The following LUZP2 variants were observed in gnomAD, a reference collection of about 807,000 sequenced individuals.
LUZP2 encodes leucine zipper protein 2.
In LUZP2, 52 loss-of-function variants were observed where a neutral mutation model predicts 51.6. That is an observed-to-expected ratio of 1.01 (90% CI 0.81 to 1.27). The LOEUF (loss-of-function observed/expected upper bound fraction) is 1.27, where lower values mean the gene tolerates loss of function less well. Among genes scored for constraint, LUZP2 ranks in the 50% most tolerant of loss-of-function variants. LUZP2 has a pLI of 0.00. For synonymous variants in LUZP2, 154 were observed against 137.3 expected (o/e 1.12, Z -0.85); for missense variants, 436 against 395.4 (o/e 1.10, Z -0.87).
At chr11:25,069,244 G>T (rs958636309) in intron 10 of LUZP2, among the ~76,000 whole-genome samples, 1 of 151,868 alleles carries the variant, frequency 6.6e-6, no homozygotes, top group Non-Finnish European at 1.5e-5. Flanking sequence ...TCCCAAATTT[G>T]CAGCAAGAGA....
Position 25,078,914 on chromosome 11 carries a change from T to C in LUZP2, c.*256T>C. ...AATTGTCCCATATAAATTGGTCTGG[T>C]TTAACTCAAATGCTATCTAACATGT... On this transcript the variant is annotated 3_prime_UTR_variant, in exon 12 of 12. Coordinates refer to ENST00000336930, the MANE Select transcript of LUZP2 (RefSeq NM_001009909.4). 2.9e-6 allele frequency: 1 copy of C among 350,476 alleles called. No individual in the cohort carries two copies. Among genetic ancestry groups the C allele is most frequent in the Non-Finnish European group, 5.1e-6 (1 of 196,048 alleles). The allele number at this position is 350,476 out of a possible 1,614,324, so 21.7% of individuals were successfully genotyped here.
chr11:24,767,986 TTTTA>T (rs150903275), intron 5 of LUZP2, among the ~76,000 whole-genome samples: 12,087 of 151,940 alleles, frequency 0.08, 1,035 homozygotes, highest in African/African-American at 0.22. Flanking sequence ...TTTTTTTGAA[TTTTA>T]TTTATTTTAC....
chr11:24,853,467 C>T (rs1843697), intron 5 of LUZP2, among the ~76,000 whole-genome samples: 3,433 of 152,046 alleles, frequency 0.023, 139 homozygotes, highest in African/African-American at 0.078. Context: ...TTTTCAGCTC[C>T]ATCAGGTTAT....
chr11:24,764,490 T>TAAAAAAAAAAAAAAAAAAAAAAAAAA (rs869045272), intron 5 of LUZP2, among the ~76,000 whole-genome samples: 67 of 94,030 alleles, frequency 7.1e-4, no homozygotes, highest in Non-Finnish European at 1.2e-3. Flanking sequence ...ATCTCATCTC[T>TAAAAAAAAAAAAAAAAAAAAAAAAAA]AAAAAAAAAA....
chr11:24,596,887 A>C (rs941835593), intron 1 of LUZP2, among the ~76,000 whole-genome samples: 5 of 152,170 alleles, frequency 3.3e-5, no homozygotes, highest in African/African-American at 4.8e-5. Flanking sequence ...TTTTCTGAAT[A>C]AGTGGAACTC....
chr11:24,517,834 C>T (rs1041495262), intron 1 of LUZP2, among the ~76,000 whole-genome samples: 2 of 152,060 alleles, frequency 1.3e-5, no homozygotes, highest in African/African-American at 4.8e-5. Flanking sequence ...TTTTGTGTTT[C>T]TCATGTTTAT....
chr11:24,984,866 CA>C (rs962099582), intron 9 of LUZP2, among the ~76,000 whole-genome samples: 6 of 151,388 alleles, frequency 4.0e-5, no homozygotes, highest in African/African-American at 1.5e-4. Context: ...CTTGCTTTGA[CA>C]GCTGAGTGTT....
intron 9 of LUZP2, among the ~76,000 whole-genome samples, chr11:25,042,492 G>A (rs1858100065): frequency 6.6e-6 from 1 of 152,170 alleles, no homozygotes; most frequent in Middle Eastern, 3.2e-3. Context: ...ATATAATCAA[G>A]AGCTAGGAAA....
At chr11:24,532,300 A>G (rs1174499127) in intron 1 of LUZP2, among the ~76,000 whole-genome samples, 1 of 150,962 alleles carries the variant, frequency 6.6e-6, no homozygotes, top group Non-Finnish European at 1.5e-5. Context: ...AATTTAATAT[A>G]CAATCTGTAT....
rs776739280 is a variant in LUZP2 at position 24,774,362 on chromosome 11, C to CTCTCTCTCTCTCTATATATA, written c.396+11055_396+11056insCTCTCTCTCTCTATATATAT. On this transcript the variant is annotated intron_variant, in intron 5 of 11. Coordinates refer to ENST00000336930, the MANE Select transcript of LUZP2 (RefSeq NM_001009909.4). ...TCTCTCTCTCTCTCTCTCTCTCTCT[C>CTCTCTCTCTCTCTATATATA]TATATATATATATATATATACATAC... Among the ~76,000 whole-genome samples, 235 of 76,242 alleles carry CTCTCTCTCTCTCTATATATA rather than the reference C, an allele frequency of 3.1e-3. 1 individual carries two copies. Among genetic ancestry groups the CTCTCTCTCTCTCTATATATA allele is most frequent in the East Asian group, 0.013 (27 of 2,064 alleles). The allele number at this position is 76,242 out of a possible 152,430, so 50.0% of individuals were successfully genotyped here. A position where few individuals can be genotyped will look rare whatever the true frequency, so the allele number is the denominator to read the frequency against.
chr11:24,904,356 C>A (rs1590711630), intron 5 of LUZP2, among the ~76,000 whole-genome samples: 2 of 152,060 alleles, frequency 1.3e-5, no homozygotes, highest in Non-Finnish European at 2.9e-5. Flanking sequence ...GATCTCGGCT[C>A]ACTGCAAGCT....
intron 1 of LUZP2, among the ~76,000 whole-genome samples, chr11:24,654,220 T>C (rs1855727263): frequency 6.6e-6 from 1 of 152,150 alleles, no homozygotes; most frequent in African/African-American, 2.4e-5. Flanking sequence ...AGAATTCCTT[T>C]CAGTGTCTAC....
chr11:24,624,254 C>A (rs1192587142), intron 1 of LUZP2, among the ~76,000 whole-genome samples: 8 of 152,050 alleles, frequency 5.3e-5, no homozygotes, highest in African/African-American at 1.9e-4. Context: ...TGTGTCTATT[C>A]ATTAACTAAT....
chr11:24,828,798 G>A (rs1202077808), intron 5 of LUZP2, among the ~76,000 whole-genome samples: 1 of 152,128 alleles, frequency 6.6e-6, no homozygotes, highest in Non-Finnish European at 1.5e-5. Flanking sequence ...AAGGTCAAGA[G>A]GGTCACAAAG....
intron 1 of LUZP2, among the ~76,000 whole-genome samples, chr11:24,534,314 A>G (rs1851102741): frequency 6.6e-6 from 1 of 151,224 alleles, no homozygotes; most frequent in Admixed American, 6.6e-5. Context: ...GCACATAAAT[A>G]CATGTATATT....
rs533359218 is a variant in LUZP2 at position 24,562,470 on chromosome 11, G to A, written c.62+65165G>A. ...TCTGTTCCCAAAAATGAGTCCTAAG[G>A]AAAAAAAAAGAAAAGAAACCCAGGT... On this transcript the variant is annotated intron_variant, in intron 1 of 11. Coordinates refer to ENST00000336930, the MANE Select transcript of LUZP2 (RefSeq NM_001009909.4). Among the ~76,000 whole-genome samples, 299 of 148,808 alleles carry A rather than the reference G, an allele frequency of 2.0e-3. 2 individuals are homozygous for A. Among genetic ancestry groups the A allele is most frequent in the African/African-American group, 7.3e-3 (294 of 40,520 alleles).
At chr11:24,923,453 T>G (rs896755091) in intron 7 of LUZP2, among the ~76,000 whole-genome samples, 1 of 151,876 alleles carries the variant, frequency 6.6e-6, no homozygotes, top group Non-Finnish European at 1.5e-5. Context: ...TCCTGGCACT[T>G]TGGGAGGCCG....
chr11:25,024,118 G>T (rs2133978993), intron 9 of LUZP2, among the ~76,000 whole-genome samples: 1 of 152,200 alleles, frequency 6.6e-6, no homozygotes, highest in Non-Finnish European at 1.5e-5. Flanking sequence ...CTGTTGATTT[G>T]GGGTGGAGAG....
intron 10 of LUZP2, among the ~76,000 whole-genome samples, chr11:25,055,684 T>G (rs1468057731): frequency 6.6e-6 from 1 of 152,132 alleles, no homozygotes; most frequent in African/African-American, 2.4e-5. Flanking sequence ...TTCTGCCTCA[T>G]TTTAGAAATA....
Sources: gnomAD v4.1 joint callset for allele counts (sites outside exome capture counted in the v4.1 genomes callset) on GRCh38, gnomAD v4.1.1 for gene constraint, MANE v1.5 for transcripts, NCBI Gene and HGNC (gene_info 2026-07-23, HGNC 2026-07-21) for gene names.